LRRTM4: variants seen among roughly 807,000 people sequenced by gnomAD.
The protein encoded by LRRTM4 is leucine-rich repeat transmembrane neuronal protein 4.
In LRRTM4, 25 loss-of-function variants were observed where a neutral mutation model predicts 47.6. The ratio of observed to expected loss-of-function variants is 0.53; its 90% CI spans 0.38 to 0.73. The LOEUF (loss-of-function observed/expected upper bound fraction) is 0.73. LRRTM4 is among the 30% of genes least tolerant of loss of function. The probability of loss-of-function intolerance (pLI) is 0.00; values close to 1 mark genes in which losing one functional copy is unlikely to be tolerated. For synonymous variants in LRRTM4, 311 were observed against 269.5 expected, an observed-to-expected ratio of 1.15 and a Z score of -1.51; for missense variants, 638 against 713.4, an observed-to-expected ratio of 0.89 and a Z score of 1.20.
intron 3 of LRRTM4, among the ~76,000 whole-genome samples, chr2:76,935,872 T>G (rs560300117): frequency 6.6e-6 from 1 of 152,280 alleles, no homozygotes; most frequent in Admixed American, 6.5e-5. Context: ...GAACTTCCAA[T>G]ATTATGTTGA....
At chr2:77,213,148 A>G (rs1281780768) in intron 3 of LRRTM4, among the ~76,000 whole-genome samples, 1 of 152,202 alleles carries the variant, frequency 6.6e-6, no homozygotes, top group African/African-American at 2.4e-5. Flanking sequence ...AGAGACTGGT[A>G]GGTCATTCTG....
intron 3 of LRRTM4, among the ~76,000 whole-genome samples, chr2:77,224,769 G>T (rs888429866): frequency 2.6e-5 from 4 of 152,146 alleles, no homozygotes; most frequent in African/African-American, 9.7e-5. Flanking sequence ...TGGTGGGACT[G>T]TAAACTAGTT....
chr2:77,450,124 A>G (rs1315113006), intron 3 of LRRTM4, among the ~76,000 whole-genome samples: 1 of 152,154 alleles, frequency 6.6e-6, no homozygotes, highest in African/African-American at 2.4e-5. Context: ...TTACTCATTG[A>G]AGCATTATTT....
At chr2:76,936,954 C>CAAAAAAAA (rs56140303) in intron 3 of LRRTM4, among the ~76,000 whole-genome samples, 756 of 22,688 alleles carry the variant, frequency 0.033, 168 homozygotes, top group East Asian at 0.046. Flanking sequence ...GACTCCATCT[C>CAAAAAAAA]AAAAAAAAAA....
chr2:76,764,645 AAAAC>A (rs998429078), intron 3 of LRRTM4, among the ~76,000 whole-genome samples: 6 of 152,122 alleles, frequency 3.9e-5, no homozygotes, highest in African/African-American at 7.2e-5. Context: ...CAAAACAAAA[AAAAC>A]AAACAAAAAA....
chr2:76,870,880 C>G (rs980288513), intron 3 of LRRTM4, among the ~76,000 whole-genome samples: 18 of 152,116 alleles, frequency 1.2e-4, no homozygotes, highest in African/African-American at 4.1e-4. Context: ...TAGAAAAACA[C>G]ACACAGAAAT....
intron 3 of LRRTM4, among the ~76,000 whole-genome samples, chr2:76,755,193 C>G (rs975365947): frequency 2.0e-5 from 3 of 152,080 alleles, no homozygotes; most frequent in African/African-American, 4.8e-5. Context: ...ACTATACTTA[C>G]AATGTTCAAT....
At chr2:76,864,660 CAAAAAAA>C (rs758059198) in intron 3 of LRRTM4, among the ~76,000 whole-genome samples, 9 of 100,744 alleles carry the variant, frequency 8.9e-5, no homozygotes, top group Admixed American at 6.2e-4. Flanking sequence ...AACTCCATCC[CAAAAAAA>C]AAAAAAAAAT....
At chr2:76,910,117 C>G (rs1037238948) in intron 3 of LRRTM4, among the ~76,000 whole-genome samples, 1 of 152,016 alleles carries the variant, frequency 6.6e-6, no homozygotes, top group African/African-American at 2.4e-5. Context: ...CAATGATAGA[C>G]TGGATTAAGA....
intron 3 of LRRTM4, among the ~76,000 whole-genome samples, chr2:76,849,836 T>A (rs773400911): frequency 2.3e-4 from 35 of 152,202 alleles, no homozygotes; most frequent in African/African-American, 5.3e-4. Flanking sequence ...AATTTTTTTT[T>A]AAAAAGTAAG....
intron 3 of LRRTM4, among the ~76,000 whole-genome samples, chr2:76,960,498 A>G (rs1256864737): frequency 1.3e-5 from 2 of 151,654 alleles, no homozygotes; most frequent in Non-Finnish European, 3.0e-5. Flanking sequence ...TTCTCTTCTC[A>G]GAAGTTATTT....
intron 3 of LRRTM4, among the ~76,000 whole-genome samples, chr2:77,083,822 T>TTTTTTC (rs1558569872): frequency 8.3e-6 from 1 of 119,838 alleles, no homozygotes; most frequent in Non-Finnish European, 1.6e-5. Flanking sequence ...TTTTTTTTTT[T>TTTTTTC]CAGACGGAGT....
chr2:77,480,884 ATT>A (rs1390417334), intron 3 of LRRTM4, among the ~76,000 whole-genome samples: 4 of 138,790 alleles, frequency 2.9e-5, no homozygotes, highest in African/African-American at 1.1e-4. Flanking sequence ...CTCATGCAGG[ATT>A]TTCTCTTTTT....
At chr2:77,319,759 G>A (rs563970366) in intron 3 of LRRTM4, among the ~76,000 whole-genome samples, 1 of 152,264 alleles carries the variant, frequency 6.6e-6, no homozygotes, top group East Asian at 1.9e-4. Flanking sequence ...CCTACATTTT[G>A]AAATAACCAT....
rs1395663704 is a variant in LRRTM4, at chr2:76,776,561, G to T, written c.1552-27645C>A. Among the ~76,000 whole-genome samples, 16 of 152,298 alleles carry T rather than the reference G, an allele frequency of 1.1e-4. 1 individual carries two copies. In the South Asian group the frequency reaches 3.1e-3, roughly 30 times the overall value. ...TTTGGCTGCATAAATGTCTTCTTTT[G>T]AGAAGTGTCTGTTCATGACCTTTGC... On this transcript the variant is annotated intron_variant, in intron 3 of 3. Coordinates refer to ENST00000409884, the MANE Select transcript of LRRTM4 (RefSeq NM_001134745.3).
At chr2:77,488,850 T>C (rs1033752900) in intron 3 of LRRTM4, among the ~76,000 whole-genome samples, 1 of 151,862 alleles carries the variant, frequency 6.6e-6, no homozygotes, top group South Asian at 2.1e-4. Flanking sequence ...ACCTTGATAA[T>C]CCATTAACAA....
At chr2:77,116,190 T>A (rs777577732) in intron 3 of LRRTM4, among the ~76,000 whole-genome samples, 9 of 152,062 alleles carry the variant, frequency 5.9e-5, no homozygotes, top group Non-Finnish European at 8.8e-5. Context: ...TCTCTTTGTT[T>A]GGAATTAATA....
intron 3 of LRRTM4, among the ~76,000 whole-genome samples, chr2:76,937,194 C>A (rs999817224): frequency 1.3e-5 from 2 of 151,898 alleles, no homozygotes; most frequent in Non-Finnish European, 2.9e-5. Context: ...AATGGTACTC[C>A]TTGTTTATGG....
At chr2:77,236,941 AT>A (rs1282786494) in intron 3 of LRRTM4, among the ~76,000 whole-genome samples, 1 of 149,686 alleles carries the variant, frequency 6.7e-6, no homozygotes, top group Non-Finnish European at 1.5e-5. Context: ...TTTGTTGAGG[AT>A]TTTTGTGTTT....
Sources: gnomAD v4.1 joint callset for allele counts (sites outside exome capture counted in the v4.1 genomes callset) on GRCh38, gnomAD v4.1.1 for gene constraint, MANE v1.5 for transcripts, NCBI Gene and HGNC (gene_info 2026-07-23, HGNC 2026-07-21) for gene names.